Variants in PLXNA1 observed in about 807,000 individuals in gnomAD.
PLXNA1 encodes plexin A1.
A neutral mutation model predicts 191.7 loss-of-function variants in PLXNA1; 77 were observed. That is an observed-to-expected ratio of 0.40 (90% CI 0.33 to 0.49). The LOEUF is 0.49. Ranked by LOEUF, PLXNA1 falls within the 20% of genes least tolerant of loss-of-function variation. PLXNA1 has a pLI of 0.63. For synonymous variants in PLXNA1, 1,137 were observed against 1,156.4 expected, an observed-to-expected ratio of 0.98 and a Z score of 0.34; for missense variants, 2,110 against 2,660.2, an observed-to-expected ratio of 0.79 and a Z score of 4.55.
chr3:127,007,705 A>G, intron 8 of PLXNA1, 94 bp from the exon 9 acceptor site: 2 of 746,682 alleles, frequency 2.7e-6, no homozygotes, highest in Non-Finnish European at 4.6e-6. Flanking sequence ...TGGCACTATG[A>G]ATACCAGCAG....
At chr3:126,991,304 C>G (rs1011401005) in intron 2 of PLXNA1, 80 bp from the exon 3 acceptor site, 5 of 1,523,834 alleles carry the variant, frequency 3.3e-6, no homozygotes, top group Non-Finnish European at 4.5e-6. Context: ...GACAACTGCA[C>G]TCCCAGCCCT....
intron 23 of PLXNA1, chr3:127,027,361 C>G: frequency 3.0e-6 from 1 of 334,156 alleles, no homozygotes; most frequent in East Asian, 8.0e-5. Flanking sequence ...CCTGGGTGGG[C>G]AAGCCTCCTC....
At chr3:126,992,549 G>A (rs922882871) in intron 3 of PLXNA1, among the ~76,000 whole-genome samples, 1 of 152,028 alleles carries the variant, frequency 6.6e-6, no homozygotes, top group African/African-American at 2.4e-5. Flanking sequence ...CCCCTCCCTG[G>A]CTCTGTGATC....
Position 126,988,651 on chromosome 3 carries a change from C to G in PLXNA1, c.58C>G (p.Leu20Val), listed in dbSNP as rs751267139. ...VLLLLLLLLL[L>V]LPGMWAEAGL... ...CCTGCTGCTGCTGCTGTTGCTGCTG[C>G]TGCTGCCGGGCATGTGGGCTGAGGC... The change falls in exon 2 of 32, where the codon CTG (leucine) becomes GTG (valine). Residue 20 changes from leucine to valine, a missense_variant. By Grantham distance (32) the Leu-to-Val change is conservative. This residue lies in a region of PLXNA1 where 903 missense variants were observed against 1,015.7 expected (regional missense o/e 0.89). Coordinates refer to ENST00000393409, the MANE Select transcript of PLXNA1 (RefSeq NM_032242.4). The G allele has an allele frequency of 6.3e-7, 1 of 1,578,964 alleles. No individual in the cohort carries two copies. The highest frequency in any genetic ancestry group is 1.2e-5 in the South Asian group (1 of 84,878).
At chr3:126,991,878 A>T (rs1158792704) in intron 3 of PLXNA1, among the ~76,000 whole-genome samples, 1 of 151,834 alleles carries the variant, frequency 6.6e-6, no homozygotes, top group East Asian at 1.9e-4. Context: ...CCTCCTGGGG[A>T]GGCTGCTGTG....
At chr3:127,004,516 C>G (rs1308479812) in intron 4 of PLXNA1, 95 bp from the exon 5 acceptor site, 2 of 876,306 alleles carry the variant, frequency 2.3e-6, no homozygotes, top group South Asian at 3.0e-5. Context: ...AGGGCCTCCC[C>G]GGGCCTAAGG....
chr3:127,031,512 C>G (rs559419269), intron 29 of PLXNA1, among the ~76,000 whole-genome samples: 1 of 152,298 alleles, frequency 6.6e-6, no homozygotes, highest in East Asian at 1.9e-4. Context: ...TGTGCACACT[C>G]TCCACTGTCT....
chr3:126,994,499 C>G (rs936583432), intron 3 of PLXNA1, among the ~76,000 whole-genome samples: 1 of 150,258 alleles, frequency 6.7e-6, no homozygotes, highest in Non-Finnish European at 1.5e-5. Flanking sequence ...GGGTGAGGGG[C>G]CAGGAGGAGG....
chr3:127,022,059 G>A, intron 21 of PLXNA1, 26 bp from the exon 22 acceptor site: 2 of 1,603,528 alleles, frequency 1.2e-6, no homozygotes, highest in Non-Finnish European at 1.7e-6. Flanking sequence ...GCTTCTCTGT[G>A]GTCTGAGCTC....
At chr3:126,994,036 A>C (rs139881605) in intron 3 of PLXNA1, among the ~76,000 whole-genome samples, 1 of 152,108 alleles carries the variant, frequency 6.6e-6, no homozygotes, top group East Asian at 1.9e-4. Context: ...CGGACCTGGC[A>C]TGCTCGTGTG....
chr3:127,004,723 C>T lies in PLXNA1; in HGVS notation c.1619+12C>T. ...GTCCTGCACAGCATGTGAGTCTGGG[C>T]AGGTGGGCAGGGGCAGGCGGGGAGG... On this transcript the variant is annotated intron_variant, in intron 5 of 31. Transcript: ENST00000393409. 6.3e-7 allele frequency: 1 copy of T among 1,584,980 alleles called. No individual in the cohort carries two copies. Among genetic ancestry groups the T allele is most frequent in the Non-Finnish European group, 8.6e-7 (1 of 1,165,406 alleles).
At chr3:126,998,057 G>C (rs1043162236) in intron 3 of PLXNA1, among the ~76,000 whole-genome samples, 6 of 152,212 alleles carry the variant, frequency 3.9e-5, no homozygotes, top group Admixed American at 1.3e-4. Context: ...AGTGGGTATG[G>C]AGGCTGGAAC....
intron 29 of PLXNA1, 127 bp from the exon 30 acceptor site, chr3:127,032,260 G>T (rs2079215166): frequency 2.2e-6 from 2 of 914,814 alleles, no homozygotes; most frequent in African/African-American, 3.3e-5. Context: ...GCACCTCTGT[G>T]GGCCTCGTTT....
chr3:126,990,177 G>T (rs527869058), intron 2 of PLXNA1, among the ~76,000 whole-genome samples: 1 of 152,350 alleles, frequency 6.6e-6, no homozygotes, highest in Admixed American at 6.5e-5. Context: ...GAGAGGTGGG[G>T]TAACTTGCCC....
In PLXNA1 at chr3:127,007,789, C is replaced by G; in HGVS notation, c.1998-10C>G. On this transcript the variant is annotated splice_polypyrimidine_tract_variant and intron_variant, in intron 8 of 31. Coordinates refer to ENST00000393409, the MANE Select transcript of PLXNA1 (RefSeq NM_032242.4). ...GTCCCCAGGCTTCAGCACCCACCCT[C>G]TCCCTGCAGCTGCCTGTCCTGTGTC... is the stretch of plus-strand genomic sequence containing the variant. The G allele has an allele frequency of 6.3e-7, 1 of 1,598,336 alleles. No homozygotes were observed. The highest frequency in any genetic ancestry group is 1.1e-5 in the South Asian group (1 of 90,002).
chr3:127,005,097 T>C lies in PLXNA1; in HGVS notation c.1751T>C (p.Leu584Pro). 6.2e-7 allele frequency: 1 copy of C among 1,612,662 alleles called. No homozygotes were observed. Among genetic ancestry groups the C allele is most frequent in the Non-Finnish European group, 8.5e-7 (1 of 1,179,870 alleles). Reference sequence around the variant, plus strand: ...CTCCTGCTGCCTGCCCAGCTTGTGCTGCAGGCCTGGAACGTGCCTGACCTC... The same window carrying C: ...CTCCTGCTGCCTGCCCAGCTTGTGCCGCAGGCCTGGAACGTGCCTGACCTC... The part of the protein sequence containing the change: ...SVTMSQVPLV[L>P]QAWNVPDLSA... Residue 584 changes from leucine (L) to proline (P), a missense_variant, in exon 7 of 32, where the codon CTG (leucine) becomes CCG (proline). Coordinates refer to ENST00000393409, the MANE Select transcript of PLXNA1 (RefSeq NM_032242.4).
chr3:127,000,493 T>A (rs1327395373), intron 3 of PLXNA1, among the ~76,000 whole-genome samples: 1 of 152,178 alleles, frequency 6.6e-6, no homozygotes, highest in Admixed American at 6.5e-5. Flanking sequence ...TCACCTGCCG[T>A]CTGTGCCCCT....
chr3:126,989,133 G>C lies in PLXNA1; in HGVS notation c.540G>C (p.Gln180His), dbSNP rs956540404. The change falls in exon 2 of 32, where the codon CAG (glutamine) becomes CAC (histidine). Residue 180 changes from glutamine to histidine, a missense_variant. Coordinates refer to ENST00000393409, the MANE Select transcript of PLXNA1 (RefSeq NM_032242.4). ...TGCTCATTGCCGGGCCACCGGGCCA[G>C]GGCCAGGCCAAGCTCTTCGTGGGCA... Reference protein sequence around the residue: ...AGVLIAGPPGQGQAKLFVGTP... With the variant: ...AGVLIAGPPGHGQAKLFVGTP... The C allele has an allele frequency of 6.2e-7, 1 of 1,613,308 alleles. No individual in the cohort carries two copies. Among genetic ancestry groups the C allele is most frequent in the South Asian group, 1.1e-5 (1 of 91,082 alleles).
rs767345946 is a variant in PLXNA1 at position 127,017,780 on chromosome 3, A to C, written c.3548A>C (p.Asn1183Thr). 6.2e-7 allele frequency: 1 copy of C among 1,612,310 alleles called. No homozygotes were observed. The highest frequency in any genetic ancestry group is 8.5e-7 in the Non-Finnish European group (1 of 1,179,824). The change falls in exon 19 of 32, where the codon AAC becomes ACC. Residue 1183 changes from asparagine to threonine, a missense_variant. By Grantham distance (65) the Asn-to-Thr change is moderately conservative (BLOSUM62 0). This residue lies in a region of PLXNA1 where 644 missense variants were observed against 714.3 expected (regional missense o/e 0.90). Transcript: ENST00000393409. Reference protein sequence around the residue: ...GRNLLPPAPGNSRLNYTVLIG... With the variant: ...GRNLLPPAPGTSRLNYTVLIG... The stretch of plus-strand genomic sequence containing the variant: ...AACCTCTTGCCACCTGCACCCGGCA[A>C]CTCCCGACTCAACTACACGGTGCTC...
Sources: gnomAD v4.1 joint callset for allele counts (sites outside exome capture counted in the v4.1 genomes callset) on GRCh38, gnomAD v4.1.1 for gene constraint, gnomAD v4.1.1 regional missense constraint, MANE v1.5 for transcripts, NCBI Gene and HGNC (gene_info 2026-07-23, HGNC 2026-07-21) for gene names.